Variants in NPSR1 observed in about 807,000 individuals in gnomAD.
NPSR1 encodes the protein neuropeptide S receptor.
Under a neutral mutation model 46.9 loss-of-function variants are expected in NPSR1, and 48 were observed. That is an observed-to-expected ratio of 1.02 (90% CI 0.81 to 1.30). NPSR1 has a LOEUF of 1.30. NPSR1 is among the 50% of genes most tolerant of loss of function. The probability of loss-of-function intolerance (pLI) is 0.00; values close to 1 mark genes in which losing one functional copy is unlikely to be tolerated. For missense variants in NPSR1, 450 were observed against 449.5 expected, an observed-to-expected ratio of 1.00 and a Z score of -0.01; for synonymous variants, 176 against 168.1, an observed-to-expected ratio of 1.05 and a Z score of -0.36.
chr7:34,754,039 A>G (rs1289084318), intron 2 of NPSR1, among the ~76,000 whole-genome samples: 2 of 152,150 alleles, frequency 1.3e-5, no homozygotes, highest in East Asian at 3.9e-4. Context: ...CCTTAAATTC[A>G]TAAAACTTTG....
chr7:34,839,900 G>C (rs530126741), intron 6 of NPSR1, among the ~76,000 whole-genome samples: 1 of 152,248 alleles, frequency 6.6e-6, no homozygotes, highest in African/African-American at 2.4e-5. Context: ...GCAGATCTTA[G>C]TCACATGACT....
chr7:34,813,917 C>T (rs1285929685), intron 4 of NPSR1, among the ~76,000 whole-genome samples: 1 of 152,186 alleles, frequency 6.6e-6, no homozygotes, highest in Non-Finnish European at 1.5e-5. Flanking sequence ...AAATTGTATA[C>T]TTAAGAATTT....
intron 2 of NPSR1, among the ~76,000 whole-genome samples, chr7:34,753,272 C>T (rs66709540): frequency 0.11 from 16,809 of 152,172 alleles, 1,117 homozygotes; most frequent in Middle Eastern, 0.16. Context: ...CCCAGAAATA[C>T]GAGACTGTCT....
At chr7:34,851,185 CT>C (rs11337711), downstream of NPSR1, among the ~76,000 whole-genome samples, 59,588 of 139,442 alleles carry the variant, frequency 0.43, 11,912 homozygotes, top group Non-Finnish European at 0.49. Flanking sequence ...GAGCTTAAAT[CT>C]TTTTTTTTTT....
At chr7:34,828,274 G>A (rs916569010) in intron 5 of NPSR1, among the ~76,000 whole-genome samples, 11 of 152,244 alleles carry the variant, frequency 7.2e-5, no homozygotes, top group African/African-American at 2.4e-4. Flanking sequence ...GAGGCAGAGT[G>A]GACAGGTACA....
chr7:34,773,610 C>T (rs1204729069), intron 2 of NPSR1, among the ~76,000 whole-genome samples: 2 of 152,190 alleles, frequency 1.3e-5, no homozygotes, highest in African/African-American at 4.8e-5. Context: ...GTCGAATCTC[C>T]TGAAGACCTA....
At chr7:34,844,181 A>T (rs923708178) in intron 6 of NPSR1, among the ~76,000 whole-genome samples, 1 of 152,178 alleles carries the variant, frequency 6.6e-6, no homozygotes, top group African/African-American at 2.4e-5. Flanking sequence ...GCCTAATCTT[A>T]TCTCTTTGTT....
At position 34,709,704 on chromosome 7, in the gene NPSR1, G is replaced by T. The variant is rs549791188; in HGVS notation, c.280+25020G>T. 1.1e-4 allele frequency among the ~76,000 whole-genome samples: 16 copies of T among 152,080 alleles called. No individual in the cohort carries two copies. The South Asian group carries it at 2.5e-3, about 24-fold the overall frequency. Reference sequence around the variant, plus strand: ...TTTGCCTAACCTCACTATAAGACAGGGATCTTTGTTTTATTCTCCAAGAAC... The same window carrying T: ...TTTGCCTAACCTCACTATAAGACAGTGATCTTTGTTTTATTCTCCAAGAAC... On this transcript the variant is annotated intron_variant, in intron 2 of 8. Transcript: ENST00000360581.
intron 2 of NPSR1, among the ~76,000 whole-genome samples, chr7:34,701,223 G>C (rs1014446346): frequency 6.6e-6 from 1 of 152,114 alleles, no homozygotes; most frequent in African/African-American, 2.4e-5. Context: ...AGACTTTTTC[G>C]GAACTCAGCT....
intron 2 of NPSR1, among the ~76,000 whole-genome samples, chr7:34,772,723 G>A (rs1352616184): frequency 1.3e-5 from 2 of 152,094 alleles, no homozygotes; most frequent in South Asian, 2.1e-4. Flanking sequence ...CTGTGTTGGG[G>A]GCCTGCTGAA....
Position 34,848,490 on chromosome 7 carries a change from C to T in NPSR1, c.852C>T (p.Ile284=). ...GGCTCTCTTCTCCCCCAGCCTTCAT[C>T]TGCTGTTGGAGTCCATACTTCCTGT... is the stretch of plus-strand genomic sequence containing the variant. The part of the protein sequence containing the change: ...KYSIIIILAF[I]CCWSPYFLFD... The change falls in exon 8 of 9, where the codon ATC becomes ATT. Residue 284 remains isoleucine (I), a synonymous_variant. Transcript: ENST00000360581. The T allele has an allele frequency of 6.2e-7, 1 of 1,614,088 alleles. No homozygotes were observed. The highest frequency in any genetic ancestry group is 8.5e-7 in the Non-Finnish European group (1 of 1,179,952).
chr7:34,750,480 G>C, intron 2 of NPSR1: 1 of 725,182 alleles, frequency 1.4e-6, no homozygotes, highest in Non-Finnish European at 2.6e-6. Flanking sequence ...GCCAGAGGCT[G>C]GTGCCTACAA....
At chr7:34,662,643 G>T (rs147044297) in intron 1 of NPSR1, among the ~76,000 whole-genome samples, 6 of 152,130 alleles carry the variant, frequency 3.9e-5, no homozygotes, top group Non-Finnish European at 7.3e-5. Flanking sequence ...TACTGTGGCT[G>T]CTCCTAAGGA....
At position 34,790,724 on chromosome 7, in the gene NPSR1, T is replaced by TTATATGTTATGTTATATATAATA. The variant is rs1787714471; in HGVS notation, c.384+12169_384+12170insGTTATATATAATATATATGTTAT. Among the ~76,000 whole-genome samples the TTATATGTTATGTTATATATAATA allele has an allele frequency of 8.0e-5, 9 of 112,814 alleles. 1 individual carries two copies. The highest frequency in any genetic ancestry group is 3.0e-4 in the African/African-American group (9 of 29,544). The allele number at this position is 112,814 out of a possible 152,430, so 74.0% of individuals were successfully genotyped here. ...TGTTCTATGTTATATATAATATATG[T>TTATATGTTATGTTATATATAATA]TATATGTTATATGTTATATATAATA... On this transcript the variant is annotated intron_variant, in intron 3 of 8. Coordinates refer to ENST00000360581, the MANE Select transcript of NPSR1 (RefSeq NM_207172.2).
At chr7:34,819,849 C>G (rs540508857) in intron 4 of NPSR1, among the ~76,000 whole-genome samples, 1 of 152,172 alleles carries the variant, frequency 6.6e-6, no homozygotes, top group Non-Finnish European at 1.5e-5. Context: ...CATGTTCTCA[C>G]TCATAGGTGG....
At position 34,780,252 on chromosome 7, in the gene NPSR1, G is replaced by A. The variant is rs324985; in HGVS notation, c.384+1687G>A. ...AAACTAGGAAGTAAGGATTATTTTC[G>A]ACATGTTGGAGGTTGGCAACCACAC... On this transcript the variant is annotated intron_variant, in intron 3 of 8. Transcript: ENST00000360581. Among the ~76,000 whole-genome samples the A allele has an allele frequency of 6.2e-3, 941 of 152,196 alleles. 5 individuals carry two copies. Among genetic ancestry groups the A allele is most frequent in the African/African-American group, 0.022 (901 of 41,546 alleles).
intron 2 of NPSR1, among the ~76,000 whole-genome samples, chr7:34,715,348 A>AGGCCCAAGTGGTTTATAAGGT (rs1395584019): frequency 1.3e-5 from 2 of 152,358 alleles, no homozygotes; most frequent in East Asian, 3.9e-4. Context: ...ACAGCCAATC[A>AGGCCCAAGTGGTTTATAAGGT]GGCCCAAGTG....
intron 2 of NPSR1, chr7:34,710,754 T>G: frequency 4.8e-6 from 2 of 418,090 alleles, no homozygotes. Context: ...ACTGCAAGAA[T>G]AGTTAAAATT....
chr7:34,663,449 C>T (rs1019787817), intron 1 of NPSR1, among the ~76,000 whole-genome samples: 2 of 152,164 alleles, frequency 1.3e-5, no homozygotes, highest in Non-Finnish European at 1.5e-5. Flanking sequence ...TAGCCACCTA[C>T]GCTATACAAC....
Sources: gnomAD v4.1 joint callset for allele counts (sites outside exome capture counted in the v4.1 genomes callset) on GRCh38, gnomAD v4.1.1 for gene constraint, MANE v1.5 for transcripts, NCBI Gene and HGNC (gene_info 2026-07-23, HGNC 2026-07-21) for gene names.